Variants in MACROD2 observed in about 807,000 individuals in gnomAD.
MACROD2 encodes ADP-ribose glycohydrolase MACROD2.
A neutral mutation model predicts 70.4 loss-of-function variants in MACROD2; 36 were observed. The observed-to-expected ratio is 0.51, with a 90% CI of 0.39 to 0.68. The LOEUF (loss-of-function observed/expected upper bound fraction) is 0.68. Among genes scored for constraint, MACROD2 ranks in the 30% least tolerant of loss-of-function variants. The pLI is 0.00. For synonymous variants in MACROD2, 172 were observed against 178.8 expected, an observed-to-expected ratio of 0.96 and a Z score of 0.30; for missense variants, 496 against 538.4, an observed-to-expected ratio of 0.92 and a Z score of 0.78.
intron 3 of MACROD2, among the ~76,000 whole-genome samples, chr20:14,239,260 G>GA (rs1481868500): frequency 6.6e-6 from 1 of 152,114 alleles, no homozygotes; most frequent in Admixed American, 6.6e-5. Flanking sequence ...CATACTCATG[G>GA]ATAGGAAGAA....
chr20:14,856,255 A>G (rs1047881641), intron 5 of MACROD2, among the ~76,000 whole-genome samples: 1 of 152,180 alleles, frequency 6.6e-6, no homozygotes, highest in African/African-American at 2.4e-5. Flanking sequence ...AAATATTCAC[A>G]TGCTTTAATA....
rs140668834 is a variant in MACROD2 at position 14,599,941 on chromosome 20, A to G, written c.302-84902A>G. 5.1e-3 allele frequency among the ~76,000 whole-genome samples: 779 copies of G among 152,234 alleles called. 7 individuals are homozygous for G. Among genetic ancestry groups the G allele is most frequent in the African/African-American group, 0.018 (743 of 41,534 alleles). On this transcript the variant is annotated intron_variant, in intron 4 of 17. Transcript: ENST00000684519. ...GAGATAGCTATCACTGAGTAGGAAC[A>G]GGACTGTGAATTGAATTAAGGTGGT...
At chr20:15,745,704 G>A in intron 8 of MACROD2, among the ~76,000 whole-genome samples, 1 of 152,066 alleles carries the variant, frequency 6.6e-6, no homozygotes, top group African/African-American at 2.4e-5. Flanking sequence ...ATTATTTTAG[G>A]TATTTAATCC....
intron 8 of MACROD2, among the ~76,000 whole-genome samples, chr20:15,667,265 T>G (rs1000525095): frequency 6.6e-6 from 1 of 152,072 alleles, no homozygotes; most frequent in African/African-American, 2.4e-5. Context: ...GCTCCTGCTT[T>G]CTCCATATGA....
At chr20:15,400,242 G>T (rs1172086355) in intron 6 of MACROD2, among the ~76,000 whole-genome samples, 1 of 152,134 alleles carries the variant, frequency 6.6e-6, no homozygotes, top group African/African-American at 2.4e-5. Context: ...CTGAGTTAGT[G>T]TGGCAGCTGC....
At chr20:15,266,921 C>A (rs777533214) in intron 6 of MACROD2, among the ~76,000 whole-genome samples, 18 of 152,208 alleles carry the variant, frequency 1.2e-4, no homozygotes, top group South Asian at 4.1e-4. Flanking sequence ...TTCTAGAGGG[C>A]AGGGGCGCGG....
At chr20:15,428,256 G>A (rs2046323835) in intron 6 of MACROD2, among the ~76,000 whole-genome samples, 1 of 152,206 alleles carries the variant, frequency 6.6e-6, no homozygotes, top group Non-Finnish European at 1.5e-5. Context: ...CCCACGTTAT[G>A]AATTGGAAGG....
intron 5 of MACROD2, among the ~76,000 whole-genome samples, chr20:14,775,605 A>C (rs115469639): frequency 6.6e-6 from 1 of 151,928 alleles, no homozygotes; most frequent in African/African-American, 2.4e-5. Flanking sequence ...AACACCTCCC[A>C]CCAGGTCACA....
intron 8 of MACROD2, among the ~76,000 whole-genome samples, chr20:15,682,195 G>A (rs1600753808): frequency 6.6e-6 from 1 of 152,144 alleles, no homozygotes; most frequent in South Asian, 2.1e-4. Flanking sequence ...CAGGGGCAGA[G>A]CTAAGTTCTG....
At chr20:14,965,107 G>A (rs2423876) in intron 5 of MACROD2, among the ~76,000 whole-genome samples, 2,939 of 152,148 alleles carry the variant, frequency 0.019, 48 homozygotes, top group Admixed American at 0.039. Context: ...ACTATAAATG[G>A]TCAGCAGATA....
intron 9 of MACROD2, among the ~76,000 whole-genome samples, chr20:15,882,631 C>T (rs773871611): frequency 6.6e-6 from 1 of 152,020 alleles, no homozygotes; most frequent in African/African-American, 2.4e-5. Flanking sequence ...GGGAAGGTCC[C>T]TCATATTTCA....
intron 10 of MACROD2, among the ~76,000 whole-genome samples, chr20:15,892,307 T>C (rs1366269870): frequency 6.6e-6 from 1 of 152,174 alleles, no homozygotes; most frequent in East Asian, 1.9e-4. Context: ...GTGTTCTATA[T>C]CCAAATGAAA....
chr20:16,030,772 A>C (rs1335549885), intron 15 of MACROD2, among the ~76,000 whole-genome samples: 3 of 152,230 alleles, frequency 2.0e-5, no homozygotes, highest in Admixed American at 1.3e-4. Flanking sequence ...AATATAATAC[A>C]TATGGAAGAG....
At chr20:15,893,012 T>G (rs1459674337) in intron 10 of MACROD2, 1 of 399,004 alleles carries the variant, frequency 2.5e-6, no homozygotes, top group Non-Finnish European at 4.4e-6. Context: ...CTAGCGAGGG[T>G]AAGTCCTGTC....
intron 3 of MACROD2, among the ~76,000 whole-genome samples, chr20:14,221,565 T>C (rs2081674612): frequency 6.6e-6 from 1 of 152,198 alleles, no homozygotes; most frequent in Admixed American, 6.5e-5. Context: ...CCTGTGGACA[T>C]TGCTGTAGGC....
chr20:14,976,342 G>A (rs1021196930), intron 5 of MACROD2, among the ~76,000 whole-genome samples: 1 of 152,078 alleles, frequency 6.6e-6, no homozygotes, highest in African/African-American at 2.4e-5. Context: ...CTGGCTTCTG[G>A]TGGCTGCCTC....
At chr20:14,454,853 C>T (rs542634578) in intron 3 of MACROD2, among the ~76,000 whole-genome samples, 69 of 150,906 alleles carry the variant, frequency 4.6e-4, no homozygotes, top group Non-Finnish European at 9.1e-4. Flanking sequence ...CCCGGGCTCA[C>T]GCCATTCTCC....
chr20:15,831,817 G>C (rs2064059337), intron 8 of MACROD2, among the ~76,000 whole-genome samples: 1 of 152,192 alleles, frequency 6.6e-6, no homozygotes, highest in East Asian at 1.9e-4. Flanking sequence ...AGCCAGTCCA[G>C]TGTCCCTGGC....
chr20:14,856,285 G>T (rs530318590), intron 5 of MACROD2, among the ~76,000 whole-genome samples: 31 of 152,166 alleles, frequency 2.0e-4, no homozygotes, highest in Non-Finnish European at 1.5e-4. Context: ...GATCTGATTT[G>T]ACTTAGTAAA....
Sources: gnomAD v4.1 joint callset for allele counts (sites outside exome capture counted in the v4.1 genomes callset) on GRCh38, gnomAD v4.1.1 for gene constraint, MANE v1.5 for transcripts, NCBI Gene and HGNC (gene_info 2026-07-23, HGNC 2026-07-21) for gene names.